FIP1L1: variants seen among roughly 807,000 people sequenced by gnomAD.
FIP1L1 encodes the protein pre-mRNA 3'-end-processing factor FIP1.
In FIP1L1, 21 loss-of-function variants were observed where a neutral mutation model predicts 84.6. The observed-to-expected ratio is 0.25, with a 90% CI of 0.18 to 0.36. The LOEUF (loss-of-function observed/expected upper bound fraction) is 0.36, where lower values mean the gene tolerates loss of function less well. Ranked by LOEUF, FIP1L1 falls within the 10% of genes least tolerant of loss-of-function variation. The probability of loss-of-function intolerance (pLI) is 1.00; values close to 1 mark genes in which losing one functional copy is unlikely to be tolerated. For synonymous variants in FIP1L1, 263 were observed against 242.3 expected, an observed-to-expected ratio of 1.09 and a Z score of -0.80; for missense variants, 526 against 751.1, an observed-to-expected ratio of 0.70 and a Z score of 3.50.
At chr4:53,384,744 G>C (rs1336219568) in intron 5 of FIP1L1, among the ~76,000 whole-genome samples, 1 of 152,120 alleles carries the variant, frequency 6.6e-6, no homozygotes, top group Non-Finnish European at 1.5e-5. Flanking sequence ...ATTGAAGTAC[G>C]AATTGTGATT....
chr4:53,404,712 T>C (rs1752272330), intron 10 of FIP1L1, among the ~76,000 whole-genome samples: 1 of 152,196 alleles, frequency 6.6e-6, no homozygotes, highest in African/African-American at 2.4e-5. Context: ...TTCTAACTGG[T>C]GTGAGATGCT....
At chr4:53,378,007 G>A in intron 1 of FIP1L1, 84 bp downstream of exon 1, 1 of 1,232,322 alleles carries the variant, frequency 8.1e-7, no homozygotes, top group South Asian at 1.7e-5. Flanking sequence ...CTGGCCTCTC[G>A]CGCCGCCGCT....
At chr4:53,412,288 C>T (rs796820733) in intron 10 of FIP1L1, among the ~76,000 whole-genome samples, 1 of 152,044 alleles carries the variant, frequency 6.6e-6, no homozygotes, top group African/African-American at 2.4e-5. Flanking sequence ...AATCATACGG[C>T]AGAGTTATCA....
intron 16 of FIP1L1, among the ~76,000 whole-genome samples, chr4:53,453,457 G>T (rs1190149359): frequency 2.0e-5 from 3 of 152,054 alleles, no homozygotes; most frequent in Non-Finnish European, 4.4e-5. Flanking sequence ...TATTTAAAAA[G>T]AAAATTATCA....
At chr4:53,402,173 A>G (rs1205297612) in intron 10 of FIP1L1, among the ~76,000 whole-genome samples, 2 of 152,348 alleles carry the variant, frequency 1.3e-5, no homozygotes, top group African/African-American at 2.4e-5. Flanking sequence ...AAGAATGACC[A>G]TTGGATTTTA....
intron 12 of FIP1L1, among the ~76,000 whole-genome samples, chr4:53,427,536 C>T (rs1401623988): frequency 1.3e-5 from 2 of 152,210 alleles, no homozygotes; most frequent in Non-Finnish European, 2.9e-5. Flanking sequence ...TCTGTTGACA[C>T]ATGCCTGACA....
At chr4:53,379,188 TTTGC>T in intron 2 of FIP1L1, 33 bp from the exon 3 acceptor site, 1 of 1,606,256 alleles carries the variant, frequency 6.2e-7, no homozygotes, top group Non-Finnish European at 8.5e-7. Flanking sequence ...CTTTATTTTG[TTTGC>T]TTATTTATTT....
intron 10 of FIP1L1, among the ~76,000 whole-genome samples, chr4:53,402,035 T>TTAA (rs1190492771): frequency 6.6e-6 from 1 of 152,068 alleles, no homozygotes; most frequent in African/African-American, 2.4e-5. Flanking sequence ...GAGGAGACCA[T>TTAA]TAATAAGGAG....
rs1553927130 is a variant in FIP1L1 at position 53,459,551 on chromosome 4, C to T, written c.*102C>T. The T allele has an allele frequency of 1.3e-6, 2 of 1,522,088 alleles. No individual in the cohort carries two copies. Among genetic ancestry groups the T allele is most frequent in the Non-Finnish European group, 1.8e-6 (2 of 1,107,140 alleles). The allele number at this position is 1,522,088 out of a possible 1,614,324, so 94.3% of individuals were successfully genotyped here. A position where few individuals can be genotyped will look rare whatever the true frequency, so the allele number is the denominator to read the frequency against. On this transcript the variant is annotated 3_prime_UTR_variant, in exon 18 of 18. Transcript: ENST00000337488. ...TAAGAAATTTACCTTAAATCTTGTT[C>T]TGTTTGTTAGTATGAAAAGTTAACT...
chr4:53,460,347 G>GTGA lies in FIP1L1; in HGVS notation c.*901_*903dup, dbSNP rs1454097646. The GTGA allele has an allele frequency of 3.2e-5, 6 of 189,016 alleles. No homozygotes were observed. The highest frequency in any genetic ancestry group is 1.2e-4 in the African/African-American group (5 of 42,110). 11.7% of individuals were successfully genotyped at this position (189,016 alleles called of 1,614,324 possible). A position where few individuals can be genotyped will look rare whatever the true frequency, so the allele number is the denominator to read the frequency against. On this transcript the variant is annotated 3_prime_UTR_variant, in exon 18 of 18. Coordinates refer to ENST00000337488, the MANE Select transcript of FIP1L1 (RefSeq NM_030917.4). ...GGATAAGCCTAGGAGGTATTCATCG[G>GTGA]TGATGGTAACAAATAACATGGTATT...
chr4:53,452,811 T>C lies in FIP1L1; in HGVS notation c.1286-109T>C, dbSNP rs1716889278. ...TCATTCACCATGTGATATTTCTCTT[T>C]TCTATTTATAAAATGAATTTCTATT... is the stretch of plus-strand genomic sequence containing the variant. On this transcript the variant is annotated intron_variant, in intron 15 of 17. Transcript: ENST00000337488. 5 of 774,208 alleles carry C rather than the reference T, an allele frequency of 6.5e-6. No homozygotes were observed. The Admixed American group carries it at 1.2e-4, about 19-fold the overall frequency. 48.0% of individuals were successfully genotyped at this position (774,208 alleles called of 1,614,324 possible).
At chr4:53,419,078 CATT>C (rs1761051177) in intron 11 of FIP1L1, among the ~76,000 whole-genome samples, 1 of 152,040 alleles carries the variant, frequency 6.6e-6, no homozygotes, top group Non-Finnish European at 1.5e-5. Context: ...CTTTTCCTAT[CATT>C]GATACATTTA....
At chr4:53,418,375 T>C (rs1472628207) in intron 11 of FIP1L1, among the ~76,000 whole-genome samples, 1 of 152,254 alleles carries the variant, frequency 6.6e-6, no homozygotes, top group Non-Finnish European at 1.5e-5. Flanking sequence ...TAATACAGTG[T>C]TTTCCCGATT....
At chr4:53,385,330 T>C (rs967159336) in intron 5 of FIP1L1, among the ~76,000 whole-genome samples, 5 of 152,136 alleles carry the variant, frequency 3.3e-5, no homozygotes, top group African/African-American at 9.6e-5. Flanking sequence ...GGGACCTTTT[T>C]TTGGTAGAAA....
intron 15 of FIP1L1, 121 bp from the exon 16 acceptor site, chr4:53,452,799 G>A: frequency 2.9e-6 from 2 of 699,252 alleles, no homozygotes; most frequent in Non-Finnish European, 4.8e-6. Flanking sequence ...TTCACCATGT[G>A]ATATTTCTCT....
intron 11 of FIP1L1, among the ~76,000 whole-genome samples, chr4:53,425,407 A>G (rs1350968095): frequency 6.6e-6 from 1 of 152,134 alleles, no homozygotes; most frequent in African/African-American, 2.4e-5. Context: ...AACACTTGGA[A>G]TATATCACAA....
chr4:53,428,629 C>T (rs1276054942), intron 13 of FIP1L1, among the ~76,000 whole-genome samples: 25 of 152,144 alleles, frequency 1.6e-4, no homozygotes, highest in Admixed American at 1.3e-3. Flanking sequence ...TTTTAGGAGA[C>T]TGCTACTGGG....
chr4:53,378,277 G>C (rs2149212699), intron 1 of FIP1L1: 2 of 217,824 alleles, frequency 9.2e-6, no homozygotes, highest in African/African-American at 2.3e-5. Context: ...GGTGGTTTTT[G>C]GTGTCTGTTT....
At chr4:53,389,724 ATT>A in intron 5 of FIP1L1, 83 bp from the exon 6 acceptor site, 2 of 1,011,662 alleles carry the variant, frequency 2.0e-6, no homozygotes, top group Middle Eastern at 2.1e-4. Flanking sequence ...TGATTGTATA[ATT>A]TGTTTGTACA....
Sources: gnomAD v4.1 joint callset for allele counts (sites outside exome capture counted in the v4.1 genomes callset) on GRCh38, gnomAD v4.1.1 for gene constraint, MANE v1.5 for transcripts, NCBI Gene and HGNC (gene_info 2026-07-23, HGNC 2026-07-21) for gene names.